The following IQCJ variants were observed in gnomAD, a reference collection of about 807,000 sequenced individuals.
IQCJ encodes IQ domain-containing protein J.
IQCJ carries 9 observed loss-of-function variants against 11.0 expected under a neutral mutation model. The observed-to-expected ratio is 0.82, with a 90% confidence interval of 0.49 to 1.43. The LOEUF is 1.43. Among genes scored for constraint, IQCJ ranks in the 40% most tolerant of loss-of-function variants. The pLI is 0.00. For missense variants in IQCJ, 146 were observed against 133.2 expected (o/e 1.10, Z -0.47); for synonymous variants, 55 against 51.3 (o/e 1.07, Z -0.31).
At chr3:159,181,382 AGCCATTCACTTGGT>A (rs1723082107) in intron 1 of IQCJ, among the ~76,000 whole-genome samples, 3 of 144,974 alleles carry the variant, frequency 2.1e-5, no homozygotes, top group African/African-American at 7.7e-5. Flanking sequence ...CAGGAAGTCT[AGCCATTCACTTGGT>A]TTTAACTTGT....
At chr3:159,214,351 C>T (rs1046816462) in intron 1 of IQCJ, among the ~76,000 whole-genome samples, 2 of 152,166 alleles carry the variant, frequency 1.3e-5, no homozygotes, top group Admixed American at 1.3e-4. Flanking sequence ...GATCTCTTGG[C>T]TTCACCCCAC....
intron 1 of IQCJ, among the ~76,000 whole-genome samples, chr3:159,241,688 T>C (rs1186272224): frequency 3.3e-5 from 5 of 152,202 alleles, no homozygotes. Flanking sequence ...TAAACTGAAG[T>C]TCTTCTCCAA....
At chr3:159,146,610 G>C (rs1577039643) in intron 1 of IQCJ, among the ~76,000 whole-genome samples, 1 of 152,166 alleles carries the variant, frequency 6.6e-6, no homozygotes, top group East Asian at 1.9e-4. Flanking sequence ...CTTCAGACAA[G>C]TCATTTAACT....
intron 1 of IQCJ, among the ~76,000 whole-genome samples, chr3:159,128,570 G>T (rs528105495): frequency 3.3e-5 from 5 of 152,226 alleles, no homozygotes; most frequent in African/African-American, 7.2e-5. Context: ...TTGTAGTGCT[G>T]ATACGCATGC....
chr3:159,107,142 T>C (rs1178203896), intron 1 of IQCJ, among the ~76,000 whole-genome samples: 1 of 152,210 alleles, frequency 6.6e-6, no homozygotes, highest in Non-Finnish European at 1.5e-5. Flanking sequence ...TAAATTTTTG[T>C]GTCTCCTCTA....
intron 1 of IQCJ, among the ~76,000 whole-genome samples, chr3:159,163,446 G>A (rs963719228): frequency 9.2e-5 from 14 of 152,164 alleles, no homozygotes; most frequent in Admixed American, 3.9e-4. Context: ...AGCTATCTAT[G>A]ACAAACCCAC....
At chr3:159,072,756 T>C (rs929991564) in intron 1 of IQCJ, among the ~76,000 whole-genome samples, 1 of 152,102 alleles carries the variant, frequency 6.6e-6, no homozygotes, top group African/African-American at 2.4e-5. Flanking sequence ...CACATTCTAC[T>C]GGTGAAGAAA....
intron 1 of IQCJ, among the ~76,000 whole-genome samples, chr3:159,235,093 G>A (rs984008111): frequency 6.6e-6 from 1 of 152,114 alleles, no homozygotes; most frequent in Non-Finnish European, 1.5e-5. Context: ...GTGTTTATTT[G>A]TTGGCTTCTG....
intron 1 of IQCJ, among the ~76,000 whole-genome samples, chr3:159,180,097 G>A (rs1315308199): frequency 6.6e-6 from 1 of 152,220 alleles, no homozygotes; most frequent in African/African-American, 2.4e-5. Context: ...GGGACCTGAG[G>A]TGGGGTTGGA....
chr3:159,084,159 TG>T (rs1716531464), intron 1 of IQCJ, among the ~76,000 whole-genome samples: 1 of 151,960 alleles, frequency 6.6e-6, no homozygotes, highest in African/African-American at 2.4e-5. Flanking sequence ...ATGTCATCAT[TG>T]GGGGAAACTA....
At chr3:159,228,371 G>A (rs920035126) in intron 1 of IQCJ, among the ~76,000 whole-genome samples, 5 of 152,042 alleles carry the variant, frequency 3.3e-5, no homozygotes, top group Admixed American at 6.6e-5. Context: ...AATGTTGTTC[G>A]CCTACTTGTT....
rs1431620449 is a variant in IQCJ, at chr3:159,069,543, A to C, written c.9+102A>C. The C allele has an allele frequency of 4.0e-6, 6 of 1,489,132 alleles. No individual in the cohort carries two copies. The East Asian group carries it at 9.3e-5, about 23-fold the overall frequency. 92.2% of individuals were successfully genotyped at this position (1,489,132 alleles called of 1,614,324 possible). ...TCTTCTGAATTAACATGTATGCAAA[A>C]AATGTCAAAAAGAGCTTATAGAACA... On this transcript the variant is annotated intron_variant, in intron 1 of 3. Coordinates refer to ENST00000397832, the MANE Select transcript of IQCJ (RefSeq NM_001042706.3).
intron 1 of IQCJ, among the ~76,000 whole-genome samples, chr3:159,200,049 A>ATATATATATATATAT (rs1560022977): frequency 9.7e-6 from 1 of 102,694 alleles, no homozygotes. Flanking sequence ...TATATATATA[A>ATATATATATATATAT]ATCTAAATTA....
chr3:159,083,179 A>G (rs1442609395), intron 1 of IQCJ, among the ~76,000 whole-genome samples: 2 of 152,170 alleles, frequency 1.3e-5, no homozygotes, highest in African/African-American at 4.8e-5. Flanking sequence ...AAGACAAGCT[A>G]TAGCCTGGGG....
intron 1 of IQCJ, among the ~76,000 whole-genome samples, chr3:159,143,721 A>C (rs1182199074): frequency 1.3e-5 from 2 of 152,236 alleles, no homozygotes; most frequent in Non-Finnish European, 2.9e-5. Context: ...AATTATAGCC[A>C]GTCAACTCTT....
intron 1 of IQCJ, among the ~76,000 whole-genome samples, chr3:159,174,601 A>C (rs1722669777): frequency 6.6e-6 from 1 of 152,196 alleles, no homozygotes; most frequent in African/African-American, 2.4e-5. Flanking sequence ...TCAATCAAAA[A>C]TTGTTTAAAA....
At chr3:159,233,296 G>T (rs542108801) in intron 1 of IQCJ, among the ~76,000 whole-genome samples, 1 of 152,134 alleles carries the variant, frequency 6.6e-6, no homozygotes, top group Admixed American at 6.5e-5. Context: ...TGCTAGGTGA[G>T]GGGGGTCAAG....
At chr3:159,212,712 G>A (rs888095973) in intron 1 of IQCJ, among the ~76,000 whole-genome samples, 13 of 152,138 alleles carry the variant, frequency 8.5e-5, no homozygotes, top group African/African-American at 2.9e-4. Flanking sequence ...GATAAATATG[G>A]ATTAAATGGA....
intron 1 of IQCJ, among the ~76,000 whole-genome samples, chr3:159,197,412 T>C (rs1344702069): frequency 6.6e-6 from 1 of 152,144 alleles, no homozygotes. Context: ...AACTATTCTC[T>C]CCTCCCTTCA....
Sources: allele counts gnomAD v4.1 joint callset (sites outside exome capture counted in the v4.1 genomes callset), GRCh38; gene constraint gnomAD v4.1.1; transcripts MANE v1.5; gene names NCBI Gene and HGNC (gene_info 2026-07-23, HGNC 2026-07-21).